Variants in CCN3 observed in about 807,000 individuals in gnomAD.
CCN3 encodes the protein cellular communication network factor 3, also known as CCN family member 3.
A neutral mutation model predicts 33.4 loss-of-function variants in CCN3; 20 were observed. That is an observed-to-expected ratio of 0.60 (90% CI 0.42 to 0.87). The LOEUF is 0.87. Among genes scored for constraint, CCN3 ranks in the 40% least tolerant of loss-of-function variants. The pLI is 0.00. For synonymous variants in CCN3, 205 were observed against 170.4 expected (o/e 1.20, Z -1.58); for missense variants, 465 against 455.3 (o/e 1.02, Z -0.19).
chr8:119,416,817 G>A lies in CCN3; in HGVS notation c.158G>A (p.Gly53Glu). The part of the protein sequence containing the change: ...CPATPPTCAP[G>E]VRAVLDGCSC... ...GCGACGCCGCCGACCTGCGCCCCCGGGGTGCGCGCGGTGCTGGACGGCTGC... is the reference window on the plus strand; with the variant it reads ...GCGACGCCGCCGACCTGCGCCCCCGAGGTGCGCGCGGTGCTGGACGGCTGC... Residue 53 changes from glycine (G) to glutamate (E), a missense_variant, in exon 2 of 5, where the codon GGG (glycine) becomes GAG (glutamate). Transcript: ENST00000259526. 1 of 1,609,006 alleles carries A rather than the reference G, an allele frequency of 6.2e-7. No individual in the cohort carries two copies. The highest frequency in any genetic ancestry group is 2.2e-5 in the East Asian group (1 of 44,674).
chr8:119,421,202 G>A (rs1820119684), intron 4 of CCN3, among the ~76,000 whole-genome samples: 1 of 151,552 alleles, frequency 6.6e-6, no homozygotes, highest in East Asian at 1.9e-4. Context: ...GTAGAGACGG[G>A]GTTTCACCAT....
chr8:119,418,363 T>C (rs776129049), intron 3 of CCN3, 54 bp downstream of exon 3: 1 of 1,568,170 alleles, frequency 6.4e-7, no homozygotes, highest in Non-Finnish European at 8.7e-7. Flanking sequence ...AATACAAACA[T>C]GAAGAATTTG....
chr8:119,416,812 CCCCGGGGTG>C lies in CCN3; in HGVS notation c.155_163del (p.Pro52_Val54del). ...GCCCTGCGACGCCGCCGACCTGCGC[CCCCGGGGTG>C]CGCGCGGTGCTGGACGGCTGCTCAT... is the stretch of plus-strand genomic sequence containing the variant. On this transcript the variant is annotated inframe_deletion, in exon 2 of 5. Coordinates refer to ENST00000259526, the MANE Select transcript of CCN3 (RefSeq NM_002514.4). 1 of 1,607,986 alleles carries C rather than the reference CCCCGGGGTG, an allele frequency of 6.2e-7. No homozygotes were observed. Among genetic ancestry groups the C allele is most frequent in the South Asian group, 1.1e-5 (1 of 90,382 alleles).
Position 119,424,239 on chromosome 8 carries a change from C to T in CCN3, c.*1107C>T, listed in dbSNP as rs1475201754. The T allele has an allele frequency of 5.3e-5, 8 of 152,088 alleles. No individual in the cohort carries two copies. The highest frequency in any genetic ancestry group is 1.0e-4 in the Non-Finnish European group (7 of 68,010). 9.4% of individuals were successfully genotyped at this position (152,088 alleles called of 1,614,324 possible). A position where few individuals can be genotyped will look rare whatever the true frequency, so the allele number is the denominator to read the frequency against. On this transcript the variant is annotated 3_prime_UTR_variant, in exon 5 of 5. Coordinates refer to ENST00000259526, the MANE Select transcript of CCN3 (RefSeq NM_002514.4). ...TAGACATTCTTTTAATGCCACCACA[C>T]GTGTTCCGCTTCTCTCTTTTAAAGT... is the stretch of plus-strand genomic sequence containing the variant.
Position 119,417,561 on chromosome 8 carries a change from C to T in CCN3, c.311-497C>T, listed in dbSNP as rs578217242. On this transcript the variant is annotated intron_variant, in intron 2 of 4. Transcript: ENST00000259526. Reference sequence around the variant, plus strand: ...TACAACATTGTAGTTGAAGATTGTCCCTTCCTTTCTGGACAGGAGGGCTTT... The same window carrying T: ...TACAACATTGTAGTTGAAGATTGTCTCTTCCTTTCTGGACAGGAGGGCTTT... Among the ~76,000 whole-genome samples the T allele has an allele frequency of 3.2e-4, 49 of 152,268 alleles. 1 individual carries two copies. In the South Asian group the frequency reaches 9.3e-3, roughly 29 times the overall value.
At chr8:119,419,404 T>C (rs2130454683) in intron 4 of CCN3, 59 bp downstream of exon 4, 1 of 1,537,162 alleles carries the variant, frequency 6.5e-7, no homozygotes, top group Non-Finnish European at 9.0e-7. Context: ...CCTTGGAGCC[T>C]GGGCTTCAGA....
intron 4 of CCN3, among the ~76,000 whole-genome samples, chr8:119,419,656 C>T (rs970598867): frequency 5.9e-5 from 9 of 152,238 alleles, no homozygotes; most frequent in African/African-American, 1.4e-4. Context: ...AAACTGGCTA[C>T]AGTTGTCAAG....
chr8:119,419,915 CA>C (rs1331091604), intron 4 of CCN3: 1 of 153,004 alleles, frequency 6.5e-6, no homozygotes, highest in Non-Finnish European at 1.5e-5. Flanking sequence ...CCAAATAAAA[CA>C]GCACATATCT....
At chr8:119,419,106 C>T (rs1820090654) in intron 3 of CCN3, 25 bp from the exon 4 acceptor site, 1 of 1,577,734 alleles carries the variant, frequency 6.3e-7, no homozygotes, top group African/African-American at 1.3e-5. Context: ...CCTAATATGG[C>T]TGTCTTTATT....
chr8:119,418,455 A>C lies in CCN3; in HGVS notation c.562+146A>C, dbSNP rs1314223305. ...GGTTTCAGGTTGCCCACTGAGATCA[A>C]ACACATTTGTAGACATTAGATCAAA... On this transcript the variant is annotated intron_variant, in intron 3 of 4. Coordinates refer to ENST00000259526, the MANE Select transcript of CCN3 (RefSeq NM_002514.4). The C allele has an allele frequency of 3.1e-6, 3 of 962,096 alleles. No homozygotes were observed. The Admixed American group carries it at 8.0e-5, about 26-fold the overall frequency. The allele number at this position is 962,096 out of a possible 1,614,324, so 59.6% of individuals were successfully genotyped here.
rs1189590423 is a variant in CCN3 at position 119,416,757 on chromosome 8, A to G, written c.98A>G (p.Gln33Arg). 1.3e-6 allele frequency: 2 copies of G among 1,588,340 alleles called. No homozygotes were observed. Among genetic ancestry groups the G allele is most frequent in the Non-Finnish European group, 1.7e-6 (2 of 1,167,060 alleles). ...LHLLGQVAAT[Q>R]RCPPQCPGRC... ...GCCTGCCTTCAGGTCGCTGCGACTCAGCGCTGCCCTCCCCAGTGCCCGGGC... is the reference window on the plus strand; with the variant it reads ...GCCTGCCTTCAGGTCGCTGCGACTCGGCGCTGCCCTCCCCAGTGCCCGGGC... The change falls in exon 2 of 5, where the codon CAG becomes CGG. Residue 33 changes from glutamine to arginine, a missense_variant. By Grantham distance (43) the Gln-to-Arg change is conservative. Coordinates refer to ENST00000259526, the MANE Select transcript of CCN3 (RefSeq NM_002514.4).
Position 119,418,042 on chromosome 8 carries a change from T to C in CCN3, c.311-16T>C. Reference sequence around the variant, plus strand: ...TCTTCCTCTTTGCTTTTCACTTTGCTTCCCCAATATTCTAGCGGTAGAGGG... The same window carrying C: ...TCTTCCTCTTTGCTTTTCACTTTGCCTCCCCAATATTCTAGCGGTAGAGGG... On this transcript the variant is annotated splice_polypyrimidine_tract_variant and intron_variant, in intron 2 of 4. Coordinates refer to ENST00000259526, the MANE Select transcript of CCN3 (RefSeq NM_002514.4). 6.2e-7 allele frequency: 1 copy of C among 1,602,300 alleles called. No homozygotes were observed. The highest frequency in any genetic ancestry group is 8.5e-7 in the Non-Finnish European group (1 of 1,170,986).
Position 119,423,195 on chromosome 8 carries a change from G to A in CCN3, c.*63G>A, listed in dbSNP as rs918675383. 1.4e-6 allele frequency: 2 copies of A among 1,439,904 alleles called. No homozygotes were observed. The highest frequency in any genetic ancestry group is 1.9e-6 in the Non-Finnish European group (2 of 1,053,890). The allele number at this position is 1,439,904 out of a possible 1,614,324, so 89.2% of individuals were successfully genotyped here. On this transcript the variant is annotated 3_prime_UTR_variant, in exon 5 of 5. Coordinates refer to ENST00000259526, the MANE Select transcript of CCN3 (RefSeq NM_002514.4). ...GCTGCTGCGCCACCCACCATCAAAG[G>A]AATATAAGAAAAGTAATGAAGAATC...
Position 119,418,275 on chromosome 8 carries a change from TGAG to T in CCN3, c.534_536del (p.Glu178del). On this transcript the variant is annotated inframe_deletion, in exon 3 of 5. Transcript: ENST00000259526. The stretch of plus-strand genomic sequence containing the variant: ...GTGAAAAGTGGATCTGTGGCCCAGA[TGAG>T]GAGGATTCACTGGGAGGCCTTACCC... 1.9e-6 allele frequency: 3 copies of T among 1,614,130 alleles called. No individual in the cohort carries two copies. The highest frequency in any genetic ancestry group is 2.5e-6 in the Non-Finnish European group (3 of 1,180,022).
At chr8:119,417,251 G>A in intron 2 of CCN3, 1 of 400,976 alleles carries the variant, frequency 2.5e-6, no homozygotes, top group Non-Finnish European at 4.5e-6. Flanking sequence ...GCCACGCAGA[G>A]TTAAGGGCCA....
chr8:119,420,985 A>AG (rs1234694003), intron 4 of CCN3, among the ~76,000 whole-genome samples: 8 of 146,922 alleles, frequency 5.4e-5, no homozygotes, highest in Non-Finnish European at 1.2e-4. Flanking sequence ...TGTCTCCAAG[A>AG]GATTCTTAAA....
Position 119,418,182 on chromosome 8 carries a change from G to A in CCN3, c.435G>A (p.Gln145=). ...AGATTGGCTGTGTGCCCCGCTGTCAGCTGGATGTGCTACTGCCTGAGCCTA... is the reference window on the plus strand; with the variant it reads ...AGATTGGCTGTGTGCCCCGCTGTCAACTGGATGTGCTACTGCCTGAGCCTA... ...DGQIGCVPRC[Q]LDVLLPEPNC... is the part of the protein sequence containing the mutation. Residue 145 remains glutamine, a synonymous_variant, in exon 3 of 5, where the codon CAG becomes CAA. Transcript: ENST00000259526. 1 of 1,614,244 alleles carries A rather than the reference G, an allele frequency of 6.2e-7. No individual in the cohort carries two copies. The highest frequency in any genetic ancestry group is 8.5e-7 in the Non-Finnish European group (1 of 1,180,050).
At chr8:119,420,896 GAT>G (rs1449387314) in intron 4 of CCN3, among the ~76,000 whole-genome samples, 1 of 151,236 alleles carries the variant, frequency 6.6e-6, no homozygotes, top group Admixed American at 6.6e-5. Flanking sequence ...TTAATATTTG[GAT>G]ATGTTATTTT....
At position 119,423,008 on chromosome 8, in the gene CCN3, C is replaced by T. The variant is rs1334928534; in HGVS notation, c.950C>T (p.Pro317Leu). 1.2e-6 allele frequency: 2 copies of T among 1,614,042 alleles called. No homozygotes were observed. The highest frequency in any genetic ancestry group is 2.7e-5 in the African/African-American group (2 of 74,910). The change falls in exon 5 of 5, where the codon CCA (proline) becomes CTA (leucine). Residue 317 changes from proline to leucine, a missense_variant. By Grantham distance (98) the Pro-to-Leu change is moderately conservative (BLOSUM62 -3). Transcript: ENST00000259526. ...ATCCAGGCAGAGTTTCAGTGCTCCC[C>T]AGGGCAAATAGTCAAGAAGCCAGTG... is the stretch of plus-strand genomic sequence containing the variant. ...KTIQAEFQCSPGQIVKKPVMV... is the reference protein window; with the variant it reads ...KTIQAEFQCSLGQIVKKPVMV...
Sources: gnomAD v4.1 joint callset for allele counts (sites outside exome capture counted in the v4.1 genomes callset) on GRCh38, gnomAD v4.1.1 for gene constraint, MANE v1.5 for transcripts, NCBI Gene and HGNC (gene_info 2026-07-23, HGNC 2026-07-21) for gene names.